Variants in SRRM4 observed in about 807,000 individuals in gnomAD.
The protein encoded by SRRM4 is serine/arginine repetitive matrix protein 4.
SRRM4 carries 33 observed loss-of-function variants against 68.9 expected under a neutral mutation model. The observed-to-expected ratio is 0.48, with a 90% confidence interval of 0.36 to 0.64. The LOEUF (loss-of-function observed/expected upper bound fraction) is 0.64. Among genes scored for constraint, SRRM4 ranks in the 30% least tolerant of loss-of-function variants. SRRM4 has a pLI of 0.00. For synonymous variants in SRRM4, 318 were observed against 318.8 expected, an observed-to-expected ratio of 1.00 and a Z score of 0.03; for missense variants, 817 against 827.1, an observed-to-expected ratio of 0.99 and a Z score of 0.15.
intron 1 of SRRM4, among the ~76,000 whole-genome samples, chr12:118,982,669 G>GTTTTTTTTTTTTTTTTTTT (rs10533651): frequency 8.6e-6 from 1 of 115,716 alleles, no homozygotes; most frequent in African/African-American, 3.3e-5. Context: ...GTTTTATTTT[G>GTTTTTTTTTTTTTTTTTTT]TTTTTTTTTG....
intron 1 of SRRM4, among the ~76,000 whole-genome samples, chr12:118,982,684 T>G (rs28690481): frequency 0.18 from 21,318 of 118,254 alleles, 1,838 homozygotes; most frequent in African/African-American, 0.23. Context: ...TTTTTGTTTT[T>G]TTTTTTTTTT....
intron 4 of SRRM4, among the ~76,000 whole-genome samples, chr12:119,119,857 C>A (rs1954207396): frequency 6.6e-6 from 1 of 152,032 alleles, no homozygotes; most frequent in African/African-American, 2.4e-5. Context: ...TTCTCCTTAT[C>A]CAGCCTCATC....
At chr12:119,010,912 A>G (rs1953445086) in intron 1 of SRRM4, among the ~76,000 whole-genome samples, 2 of 152,260 alleles carry the variant, frequency 1.3e-5, no homozygotes, top group African/African-American at 4.8e-5. Context: ...TGACAGGAAA[A>G]AGCAAACTGT....
At chr12:119,136,955 T>TC (rs1954332899) in intron 8 of SRRM4, among the ~76,000 whole-genome samples, 2 of 152,128 alleles carry the variant, frequency 1.3e-5, no homozygotes, top group African/African-American at 2.4e-5. Flanking sequence ...CCGGCACATC[T>TC]CCCTTCTCTT....
At chr12:118,988,513 A>G (rs1280776138) in intron 1 of SRRM4, among the ~76,000 whole-genome samples, 1 of 152,216 alleles carries the variant, frequency 6.6e-6, no homozygotes, top group Non-Finnish European at 1.5e-5. Flanking sequence ...CTAATAGGAA[A>G]TCTAGTCTGC....
chr12:119,034,784 C>T (rs1953615541), intron 1 of SRRM4, among the ~76,000 whole-genome samples: 1 of 152,100 alleles, frequency 6.6e-6, no homozygotes, highest in Non-Finnish European at 1.5e-5. Flanking sequence ...CACTTTCGTC[C>T]CTGGTTCTTT....
At chr12:119,097,218 A>G (rs1954051483) in intron 1 of SRRM4, among the ~76,000 whole-genome samples, 1 of 152,244 alleles carries the variant, frequency 6.6e-6, no homozygotes, top group Non-Finnish European at 1.5e-5. Context: ...AGGACCTGCA[A>G]AGATGCAAGG....
At chr12:119,149,573 CAG>C (rs1375593600) in intron 9 of SRRM4, among the ~76,000 whole-genome samples, 1 of 151,894 alleles carries the variant, frequency 6.6e-6, no homozygotes, top group African/African-American at 2.4e-5. Context: ...CCAACCCAGA[CAG>C]GGGACGGGGG....
intron 1 of SRRM4, among the ~76,000 whole-genome samples, chr12:119,046,318 T>C (rs1953707159): frequency 6.6e-6 from 1 of 152,086 alleles, no homozygotes; most frequent in Non-Finnish European, 1.5e-5. Flanking sequence ...TTGGCCTCTA[T>C]CCACATGAAA....
intron 8 of SRRM4, among the ~76,000 whole-genome samples, chr12:119,141,766 A>C (rs1244214815): frequency 6.6e-6 from 1 of 152,236 alleles, no homozygotes; most frequent in Non-Finnish European, 1.5e-5. Context: ...GCAAGCTCCA[A>C]ACCCAGTCAG....
chr12:119,034,826 T>G (rs1446453223), intron 1 of SRRM4, among the ~76,000 whole-genome samples: 1 of 152,218 alleles, frequency 6.6e-6, no homozygotes, highest in African/African-American at 2.4e-5. Flanking sequence ...AGCCATACTT[T>G]TATTCCTAAT....
intron 1 of SRRM4, among the ~76,000 whole-genome samples, chr12:119,027,859 G>A (rs185612646): frequency 5.9e-5 from 9 of 152,238 alleles, no homozygotes; most frequent in Non-Finnish European, 2.9e-5. Flanking sequence ...GTCTGACTTC[G>A]GGGCCTGTAC....
At chr12:119,004,905 C>T (rs754751633) in intron 1 of SRRM4, among the ~76,000 whole-genome samples, 4 of 151,118 alleles carry the variant, frequency 2.6e-5, no homozygotes, top group South Asian at 2.1e-4. Flanking sequence ...GTTCCCTTGG[C>T]GGAACCAAGG....
At chr12:119,040,223 T>C (rs995539659) in intron 1 of SRRM4, among the ~76,000 whole-genome samples, 6 of 152,064 alleles carry the variant, frequency 3.9e-5, no homozygotes, top group African/African-American at 7.3e-5. Flanking sequence ...CCATAATTTA[T>C]TGGGGTACAG....
intron 1 of SRRM4, among the ~76,000 whole-genome samples, chr12:119,091,381 G>A (rs1411138451): frequency 6.6e-6 from 1 of 152,120 alleles, no homozygotes; most frequent in African/African-American, 2.4e-5. Context: ...AGTGTAGGGG[G>A]ATCTCCTGGG....
intron 10 of SRRM4, among the ~76,000 whole-genome samples, chr12:119,153,162 T>C (rs550888260): frequency 1.2e-4 from 18 of 152,346 alleles, no homozygotes; most frequent in African/African-American, 4.3e-4. Context: ...CCTGTCTAAT[T>C]GATACTTAGC....
At chr12:119,004,015 T>A (rs1348402820) in intron 1 of SRRM4, among the ~76,000 whole-genome samples, 4 of 152,066 alleles carry the variant, frequency 2.6e-5, no homozygotes, top group Non-Finnish European at 5.9e-5. Flanking sequence ...TTAATAAAAA[T>A]TATGTTCTAG....
At chr12:119,105,081 G>C (rs1954098826) in intron 2 of SRRM4, among the ~76,000 whole-genome samples, 1 of 148,906 alleles carries the variant, frequency 6.7e-6, no homozygotes, top group South Asian at 2.1e-4. Flanking sequence ...TTGGTTTTCT[G>C]TCCTTGTGAT....
At chr12:119,066,244 T>G (rs79616606) in intron 1 of SRRM4, among the ~76,000 whole-genome samples, 96 of 152,294 alleles carry the variant, frequency 6.3e-4, no homozygotes, top group African/African-American at 2.1e-3. Context: ...TGCCAAGTAC[T>G]GTAATAAACC....
Sources: allele counts gnomAD v4.1 joint callset (sites outside exome capture counted in the v4.1 genomes callset), GRCh38; gene constraint gnomAD v4.1.1; transcripts MANE v1.5; gene names NCBI Gene and HGNC (gene_info 2026-07-23, HGNC 2026-07-21).